Variants in PRELID2 observed in about 807,000 individuals in gnomAD.
PRELID2 encodes the protein PRELI domain containing 2.
A neutral mutation model predicts 28.4 loss-of-function variants in PRELID2; 25 were observed. The observed-to-expected ratio is 0.88, with a 90% CI of 0.64 to 1.23. PRELID2 has a LOEUF of 1.23. Ranked by LOEUF, PRELID2 falls within the 50% of genes most tolerant of loss-of-function variation. The probability of loss-of-function intolerance (pLI) is 0.00; values close to 1 mark genes in which losing one functional copy is unlikely to be tolerated. For synonymous variants in PRELID2, 76 were observed against 71.6 expected (o/e 1.06, Z -0.31); for missense variants, 201 against 214.4 (o/e 0.94, Z 0.39).
rs1561636719 is a variant in PRELID2, at chr5:145,811,116, A to AAAAAAAAAAAAACAAC, written c.368+6777_368+6778insGTTGTTTTTTTTTTTT. ...AAAAAAAAAAAAAAAAAAAAAAAAA[A>AAAAAAAAAAAAACAAC]AAATTGTGCCAGGGAACCCCCCTTT... On this transcript the variant is annotated intron_variant, in intron 4 of 6. Coordinates refer to ENST00000683046, the MANE Select transcript of PRELID2 (RefSeq NM_205846.3). Among the ~76,000 whole-genome samples the AAAAAAAAAAAAACAAC allele has an allele frequency of 4.7e-5, 4 of 85,724 alleles. 1 individual carries two copies. The highest frequency in any genetic ancestry group is 1.9e-4 in the African/African-American group (4 of 21,288). 56.2% of individuals were successfully genotyped at this position (85,724 alleles called of 152,430 possible).
At chr5:145,341,631 A>G in the PRELID2 span, among the ~76,000 whole-genome samples, 2 of 152,132 alleles carry the variant, frequency 1.3e-5, no homozygotes, top group African/African-American at 2.4e-5. Flanking sequence ...AAATAAATTT[A>G]AAGTCTTCAA....
chr5:145,280,735 A>G, the PRELID2 span, among the ~76,000 whole-genome samples: 1 of 151,882 alleles, frequency 6.6e-6, no homozygotes, highest in Non-Finnish European at 1.5e-5. Context: ...AAGAAAGAAC[A>G]GAGATGTGCT....
At chr5:145,500,232 A>G (rs7734233) in intron 1 of PRELID2, among the ~76,000 whole-genome samples, 97,120 of 151,896 alleles carry the variant, frequency 0.64, 32,028 homozygotes, top group East Asian at 1. Flanking sequence ...TCCCCTTGCT[A>G]TTCTCATGAT....
chr5:145,615,334 T>G (rs1328129665), intron 1 of PRELID2, among the ~76,000 whole-genome samples: 6 of 111,828 alleles, frequency 5.4e-5, no homozygotes, highest in South Asian at 5.5e-4. Flanking sequence ...TTTGTTTTTT[T>G]TTTTTTTTTT....
chr5:145,610,449 C>T (rs1057278595), intron 1 of PRELID2, among the ~76,000 whole-genome samples: 1 of 148,126 alleles, frequency 6.8e-6, no homozygotes, highest in African/African-American at 2.6e-5. Flanking sequence ...GAGAAAAGAT[C>T]ATCATTCTCA....
chr5:145,481,615 A>C (rs1189762278), intron 1 of PRELID2, among the ~76,000 whole-genome samples: 1 of 139,198 alleles, frequency 7.2e-6, no homozygotes, highest in African/African-American at 2.7e-5. Flanking sequence ...ATAAGAAAGC[A>C]AGGAAATCAA....
At chr5:145,291,372 A>AT in the PRELID2 span, among the ~76,000 whole-genome samples, 1 of 143,436 alleles carries the variant, frequency 7.0e-6, no homozygotes, top group Non-Finnish European at 1.5e-5. Flanking sequence ...GGAGAGGGGT[A>AT]TTTGGATACA....
At chr5:145,704,975 G>T (rs967779421) in intron 1 of PRELID2, among the ~76,000 whole-genome samples, 20 of 152,212 alleles carry the variant, frequency 1.3e-4, no homozygotes, top group African/African-American at 4.3e-4. Context: ...AGGGGTTGCA[G>T]GGCAAATCCC....
chr5:145,761,253 A>G (rs1757461166), intron 6 of PRELID2, among the ~76,000 whole-genome samples: 1 of 152,232 alleles, frequency 6.6e-6, no homozygotes, highest in African/African-American at 2.4e-5. Context: ...AATTATAAAT[A>G]GCACCTACCC....
chr5:145,306,500 A>G, the PRELID2 span, among the ~76,000 whole-genome samples: 491 of 152,224 alleles, frequency 3.2e-3, 2 homozygotes, highest in African/African-American at 0.011. Flanking sequence ...ATTTTATATT[A>G]GTTACTTAAA....
At chr5:145,497,531 G>T in intron 1 of PRELID2, among the ~76,000 whole-genome samples, 1 of 152,048 alleles carries the variant, frequency 6.6e-6, no homozygotes, top group East Asian at 1.9e-4. Flanking sequence ...TGTTTACAGT[G>T]TTTTTCAGCA....
At chr5:145,661,789 G>A (rs1754500637) in intron 1 of PRELID2, among the ~76,000 whole-genome samples, 1 of 151,936 alleles carries the variant, frequency 6.6e-6, no homozygotes, top group Non-Finnish European at 1.5e-5. Flanking sequence ...AAGAGAAAAG[G>A]TTCTGCAAGA....
At chr5:145,408,351 C>T in the PRELID2 span, among the ~76,000 whole-genome samples, 3 of 148,822 alleles carry the variant, frequency 2.0e-5, no homozygotes, top group Admixed American at 2.0e-4. Context: ...GATTAAGCTA[C>T]TCAAGGAGGT....
At chr5:145,298,425 A>G in the PRELID2 span, among the ~76,000 whole-genome samples, 1 of 152,188 alleles carries the variant, frequency 6.6e-6, no homozygotes, top group Non-Finnish European at 1.5e-5. Flanking sequence ...ATATGTAGAA[A>G]GCTGAAACTG....
chr5:145,741,337 A>T (rs1475061230), intron 1 of PRELID2, among the ~76,000 whole-genome samples: 1 of 31,676 alleles, frequency 3.2e-5, no homozygotes, highest in African/African-American at 8.9e-5. Context: ...TTTATATATA[A>T]ATAAAATTTA....
the PRELID2 span, among the ~76,000 whole-genome samples, chr5:145,391,684 G>GTTT: frequency 7.3e-6 from 1 of 137,200 alleles, no homozygotes. Flanking sequence ...AAAATGTTTT[G>GTTT]TTTTTTTTTT....
At chr5:145,319,491 A>G in the PRELID2 span, among the ~76,000 whole-genome samples, 2 of 152,008 alleles carry the variant, frequency 1.3e-5, no homozygotes, top group Non-Finnish European at 2.9e-5. Flanking sequence ...CAACATAGTG[A>G]AACCCCATTT....
chr5:145,286,004 C>A, the PRELID2 span, among the ~76,000 whole-genome samples: 1 of 152,162 alleles, frequency 6.6e-6, no homozygotes, highest in South Asian at 2.1e-4. Context: ...GATTTGACTT[C>A]TCAGTCCCAG....
At chr5:145,351,006 AT>A in the PRELID2 span, among the ~76,000 whole-genome samples, 1 of 151,940 alleles carries the variant, frequency 6.6e-6, no homozygotes, top group Non-Finnish European at 1.5e-5. Context: ...TGAGATAAAT[AT>A]TTGGGATATT....
Sources: allele counts gnomAD v4.1 joint callset (sites outside exome capture counted in the v4.1 genomes callset), GRCh38; gene constraint gnomAD v4.1.1; transcripts MANE v1.5; gene names NCBI Gene and HGNC (gene_info 2026-07-23, HGNC 2026-07-21).